The following SPECC1L variants were observed in gnomAD, a reference collection of about 807,000 sequenced individuals.
The protein encoded by SPECC1L is cytospin-A.
Under a neutral mutation model 116.8 loss-of-function variants are expected in SPECC1L, and 40 were observed. That is an observed-to-expected ratio of 0.34 (90% confidence interval 0.27 to 0.45). The LOEUF is 0.45. SPECC1L is among the 20% of genes least tolerant of loss of function. The pLI is 1.00. For missense variants in SPECC1L, 1,110 were observed against 1,373.6 expected (o/e 0.81, Z 3.03); for synonymous variants, 504 against 500.6 (o/e 1.01, Z -0.09).
chr22:24,272,360 G>A (rs890475654), intron 1 of SPECC1L, among the ~76,000 whole-genome samples: 1 of 151,410 alleles, frequency 6.6e-6, no homozygotes, highest in African/African-American at 2.4e-5. Flanking sequence ...GCGAGGCTCC[G>A]TCTCAAAAAA....
At chr22:24,346,113 T>C (rs1001575484) in intron 10 of SPECC1L, among the ~76,000 whole-genome samples, 1 of 151,906 alleles carries the variant, frequency 6.6e-6, no homozygotes, top group African/African-American at 2.4e-5. Flanking sequence ...TTCAAGTGAT[T>C]CTCCTGCCTC....
At chr22:24,345,838 G>C (rs891187946) in intron 10 of SPECC1L, among the ~76,000 whole-genome samples, 4 of 152,154 alleles carry the variant, frequency 2.6e-5, no homozygotes, top group Non-Finnish European at 4.4e-5. Flanking sequence ...AAGTTAGCCA[G>C]ATAAAAAGGG....
intron 6 of SPECC1L, among the ~76,000 whole-genome samples, chr22:24,326,635 T>C (rs1305723197): frequency 6.6e-6 from 1 of 152,232 alleles, no homozygotes; most frequent in Non-Finnish European, 1.5e-5. Context: ...TTTCTGTCTC[T>C]AAGAGGATGA....
chr22:24,412,023 AGTC>A, intron 15 of SPECC1L: 1 of 434,294 alleles, frequency 2.3e-6, no homozygotes, highest in South Asian at 2.0e-5. Context: ...AGGCAGGAGT[AGTC>A]AGGCAGTGCT....
At chr22:24,389,494 ATTTGTG>A (rs1474197115) in intron 14 of SPECC1L, among the ~76,000 whole-genome samples, 1 of 144,896 alleles carries the variant, frequency 6.9e-6, no homozygotes, top group African/African-American at 2.5e-5. Context: ...CCAGGTTTAT[ATTTGTG>A]TTTGTGGGGG....
At chr22:24,393,662 A>G (rs2042312806) in intron 14 of SPECC1L, among the ~76,000 whole-genome samples, 1 of 152,128 alleles carries the variant, frequency 6.6e-6, no homozygotes, top group Non-Finnish European at 1.5e-5. Context: ...TTTTTTTAAT[A>G]GTTGCATTGA....
chr22:24,363,311 G>T lies in SPECC1L; in HGVS notation c.2794G>T (p.Val932Leu). Residue 932 changes from valine to leucine, a missense_variant, in exon 12 of 17, where the codon GTG becomes TTG. Physicochemically the swap from Val to Leu is conservative, Grantham distance 32 (BLOSUM62 1). Coordinates refer to ENST00000314328, the MANE Select transcript of SPECC1L (RefSeq NM_015330.6). ...SASRPASLPRVPAMESAKTLS... is the reference protein window; with the variant it reads ...SASRPASLPRLPAMESAKTLS... The stretch of plus-strand genomic sequence containing the variant: ...CAGCCGGCCTGCTTCCCTGCCAAGA[G>T]TGCCTGCGATGGAAAGTGCCAAGAC... 1.2e-6 allele frequency: 2 copies of T among 1,614,184 alleles called. No individual in the cohort carries two copies. Among genetic ancestry groups the T allele is most frequent in the Non-Finnish European group, 1.7e-6 (2 of 1,180,018 alleles).
intron 8 of SPECC1L, among the ~76,000 whole-genome samples, chr22:24,330,818 G>C (rs1211656615): frequency 6.6e-6 from 1 of 152,034 alleles, no homozygotes; most frequent in Admixed American, 6.6e-5. Context: ...CTGTAATCTT[G>C]GTCAGGAATC....
At chr22:24,350,331 G>C (rs2041396469) in intron 11 of SPECC1L, among the ~76,000 whole-genome samples, 1 of 151,982 alleles carries the variant, frequency 6.6e-6, no homozygotes, top group African/African-American at 2.4e-5. Context: ...AGACCTATAA[G>C]GCAAGATTGG....
intron 10 of SPECC1L, among the ~76,000 whole-genome samples, chr22:24,342,692 A>G (rs2041203127): frequency 6.6e-6 from 1 of 150,766 alleles, no homozygotes; most frequent in African/African-American, 2.4e-5. Flanking sequence ...AAAAAAAAAG[A>G]AATAGAGGAA....
intron 14 of SPECC1L, among the ~76,000 whole-genome samples, chr22:24,378,182 A>G (rs1164042909): frequency 6.6e-6 from 1 of 152,190 alleles, no homozygotes; most frequent in Non-Finnish European, 1.5e-5. Flanking sequence ...CCTTGCACTT[A>G]TATGTTATGG....
At chr22:24,411,256 G>A (rs1290475262) in intron 14 of SPECC1L, among the ~76,000 whole-genome samples, 1 of 152,124 alleles carries the variant, frequency 6.6e-6, no homozygotes, top group Non-Finnish European at 1.5e-5. Flanking sequence ...ACATCCTCTG[G>A]TCTGTACTGT....
chr22:24,275,170 G>A (rs894018019), intron 1 of SPECC1L, among the ~76,000 whole-genome samples: 12 of 152,344 alleles, frequency 7.9e-5, no homozygotes, highest in South Asian at 2.1e-4. Context: ...TCTCGTCTGC[G>A]GCCTCCACTG....
intron 1 of SPECC1L, among the ~76,000 whole-genome samples, chr22:24,273,532 G>C (rs1307099405): frequency 2.0e-5 from 3 of 152,172 alleles, no homozygotes; most frequent in African/African-American, 4.8e-5. Context: ...AAAATAAAGA[G>C]AGCCGAGAAT....
Position 24,390,866 on chromosome 22 carries a change from T to C in SPECC1L, c.3088-20722T>C, listed in dbSNP as rs1394532266. ...GGCCTGTGTTCCTTTTTTTTTTTTT[T>C]CTTTTCTTTTTTTTTTTTTTTTTTT... On this transcript the variant is annotated intron_variant, in intron 14 of 16. Coordinates refer to ENST00000314328, the MANE Select transcript of SPECC1L (RefSeq NM_015330.6). Among the ~76,000 whole-genome samples, 7 of 66,258 alleles carry C rather than the reference T, an allele frequency of 1.1e-4. No individual in the cohort carries two copies. The East Asian group carries it at 3.3e-3, about 31-fold the overall frequency. The allele number at this position is 66,258 out of a possible 152,430, so 43.5% of individuals were successfully genotyped here. A position where few individuals can be genotyped will look rare whatever the true frequency, so the allele number is the denominator to read the frequency against.
chr22:24,394,651 C>G (rs1569446949), intron 14 of SPECC1L, among the ~76,000 whole-genome samples: 1 of 152,162 alleles, frequency 6.6e-6, no homozygotes. Flanking sequence ...CACTTTACCA[C>G]CAGCAGTGAA....
At chr22:24,334,300 C>T in intron 8 of SPECC1L, 110 bp from the exon 9 acceptor site, 2 of 1,137,534 alleles carry the variant, frequency 1.8e-6, no homozygotes, top group Non-Finnish European at 2.6e-6. Context: ...GTGTGAGCCA[C>T]CGTGCCCGGC....
intron 14 of SPECC1L, among the ~76,000 whole-genome samples, chr22:24,387,009 AC>A (rs1222516666): frequency 6.6e-5 from 10 of 152,174 alleles, no homozygotes; most frequent in Admixed American, 6.5e-4. Context: ...AGCTGATAAC[AC>A]CAAGTGTTGG....
intron 3 of SPECC1L, among the ~76,000 whole-genome samples, chr22:24,304,152 CTG>C (rs1160372589): frequency 6.6e-6 from 1 of 151,890 alleles, no homozygotes; most frequent in Non-Finnish European, 1.5e-5. Flanking sequence ...ATTCCTTTAA[CTG>C]TCATGGAGCA....
Sources: allele counts gnomAD v4.1 joint callset (sites outside exome capture counted in the v4.1 genomes callset), GRCh38; gene constraint gnomAD v4.1.1; transcripts MANE v1.5; gene names NCBI Gene and HGNC (gene_info 2026-07-23, HGNC 2026-07-21).